Variants in CRIM1 observed in about 807,000 individuals in gnomAD.
CRIM1 encodes the protein cysteine-rich motor neuron 1 protein.
Under a neutral mutation model 116.4 loss-of-function variants are expected in CRIM1, and 32 were observed. The observed-to-expected ratio is 0.27, with a 90% CI of 0.21 to 0.37. The LOEUF (loss-of-function observed/expected upper bound fraction) is 0.37. Ranked by LOEUF, CRIM1 falls within the 10% of genes least tolerant of loss-of-function variation. The pLI, the probability that CRIM1 is intolerant of heterozygous loss-of-function variation, is 1.00. For missense variants in CRIM1, 1,331 were observed against 1,354.8 expected (o/e 0.98, Z 0.28); for synonymous variants, 590 against 509.2 (o/e 1.16, Z -2.13).
At chr2:36,442,819 C>A in intron 4 of CRIM1, 84 bp downstream of exon 4, 1 of 1,479,122 alleles carries the variant, frequency 6.8e-7, no homozygotes, top group Non-Finnish European at 9.4e-7. Context: ...GTTTGTTTTC[C>A]CATGAGAAAC....
chr2:36,504,635 G>A (rs1681262137), intron 8 of CRIM1, among the ~76,000 whole-genome samples: 1 of 152,142 alleles, frequency 6.6e-6, no homozygotes, highest in Admixed American at 6.5e-5. Flanking sequence ...AATAAAAAAT[G>A]TTTTTAAAAG....
At position 36,512,512 on chromosome 2, in the gene CRIM1, G is replaced by A. The variant is rs112559315; in HGVS notation, c.1780+118G>A. 1.5e-5 allele frequency: 17 copies of A among 1,123,016 alleles called. 1 individual carries two copies. Among genetic ancestry groups the A allele is most frequent in the African/African-American group, 3.1e-5 (2 of 64,518 alleles). The allele number at this position is 1,123,016 out of a possible 1,614,324, so 69.6% of individuals were successfully genotyped here. A position where few individuals can be genotyped will look rare whatever the true frequency, so the allele number is the denominator to read the frequency against. On this transcript the variant is annotated intron_variant, in intron 10 of 16. Transcript: ENST00000280527. ...GGTTGCTGCCTATTCTAACACAAATGTCAGTCTCTGTGGGACCGTCCCACA... is the reference window on the plus strand; with the variant it reads ...GGTTGCTGCCTATTCTAACACAAATATCAGTCTCTGTGGGACCGTCCCACA...
intron 13 of CRIM1, chr2:36,529,539 T>C (rs983078059): frequency 5.0e-6 from 1 of 198,654 alleles, no homozygotes; most frequent in Admixed American, 5.3e-5. Context: ...TACCTGTAGA[T>C]GCATCTTGGA....
chr2:36,384,934 A>C (rs1224553868), intron 1 of CRIM1, among the ~76,000 whole-genome samples: 1 of 152,244 alleles, frequency 6.6e-6, no homozygotes, highest in Non-Finnish European at 1.5e-5. Context: ...ACTTCCACTT[A>C]AGATGAAACT....
intron 4 of CRIM1, among the ~76,000 whole-genome samples, chr2:36,453,365 T>G (rs528092920): frequency 1.3e-5 from 2 of 152,240 alleles, no homozygotes; most frequent in African/African-American, 4.8e-5. Flanking sequence ...ATGGCTCTTA[T>G]GATAATATGA....
intron 3 of CRIM1, 33 bp downstream of exon 3, chr2:36,441,533 C>T (rs985575781): frequency 6.3e-7 from 1 of 1,597,540 alleles, no homozygotes; most frequent in African/African-American, 1.4e-5. Context: ...CAGCCTTGTT[C>T]CTTTGCATCA....
intron 1 of CRIM1, chr2:36,369,303 C>G (rs1669795579): frequency 6.6e-6 from 1 of 152,242 alleles, no homozygotes; most frequent in Non-Finnish European, 1.5e-5. Context: ...TGGCCCTCCT[C>G]CTCTGGTGAA....
At chr2:36,432,175 A>G (rs1178131051) in intron 2 of CRIM1, among the ~76,000 whole-genome samples, 1 of 152,172 alleles carries the variant, frequency 6.6e-6, no homozygotes, top group East Asian at 1.9e-4. Flanking sequence ...TTTGTGGGTC[A>G]GTGTTTATGG....
At chr2:36,468,725 T>A (rs1170495518) in intron 5 of CRIM1, among the ~76,000 whole-genome samples, 1 of 152,206 alleles carries the variant, frequency 6.6e-6, no homozygotes, top group Non-Finnish European at 1.5e-5. Context: ...TACTGTTAGA[T>A]GGGTGGATGC....
intron 5 of CRIM1, among the ~76,000 whole-genome samples, chr2:36,475,652 G>C (rs1678916655): frequency 6.6e-6 from 1 of 152,136 alleles, no homozygotes; most frequent in African/African-American, 2.4e-5. Context: ...TCATTGTCTT[G>C]TTCCTGATCT....
At chr2:36,510,918 C>CTT (rs1664627390) in intron 9 of CRIM1, among the ~76,000 whole-genome samples, 1 of 138,278 alleles carries the variant, frequency 7.2e-6, no homozygotes, top group African/African-American at 2.8e-5. Context: ...TGCTAGATTC[C>CTT]TTTTCTTTTT....
At chr2:36,443,554 G>C (rs1430863582) in intron 4 of CRIM1, among the ~76,000 whole-genome samples, 3 of 152,056 alleles carry the variant, frequency 2.0e-5, no homozygotes, top group South Asian at 2.1e-4. Flanking sequence ...TTCAGCTTTC[G>C]TTCTGCGTTT....
intron 7 of CRIM1, among the ~76,000 whole-genome samples, chr2:36,483,304 CAA>C (rs1421652221): frequency 6.6e-6 from 1 of 152,032 alleles, no homozygotes; most frequent in Non-Finnish European, 1.5e-5. Context: ...AAACTAAAAA[CAA>C]AAAAGAGATT....
intron 2 of CRIM1, among the ~76,000 whole-genome samples, chr2:36,438,551 G>GT (rs1380411763): frequency 1.3e-5 from 2 of 152,112 alleles, no homozygotes; most frequent in African/African-American, 4.8e-5. Flanking sequence ...GCAGTTCCTT[G>GT]GGGGGTTATA....
At chr2:36,428,485 A>G (rs1674627716) in intron 2 of CRIM1, among the ~76,000 whole-genome samples, 1 of 152,250 alleles carries the variant, frequency 6.6e-6, no homozygotes, top group South Asian at 2.1e-4. Flanking sequence ...TCTGAGCTAT[A>G]GAATACTGTA....
At chr2:36,422,195 T>TG in intron 2 of CRIM1, among the ~76,000 whole-genome samples, 1 of 151,912 alleles carries the variant, frequency 6.6e-6, no homozygotes, top group East Asian at 1.9e-4. Flanking sequence ...TTTTGTTTCT[T>TG]GGGGGATTTG....
Position 36,468,080 on chromosome 2 carries a change from A to G in CRIM1, c.991+3425A>G, listed in dbSNP as rs533313093. Among the ~76,000 whole-genome samples the G allele has an allele frequency of 3.0e-4, 46 of 152,294 alleles. 2 individuals are homozygous for G. The highest frequency in any genetic ancestry group is 4.9e-4 in the Non-Finnish European group (33 of 68,018). On this transcript the variant is annotated intron_variant, in intron 5 of 16. Coordinates refer to ENST00000280527, the MANE Select transcript of CRIM1 (RefSeq NM_016441.3). ...TAGGTGCTTGGAACATTGTTTCTCA[A>G]TTTTGCAAACTGCCCAACCATGGTG...
chr2:36,436,215 A>G (rs942481997), intron 2 of CRIM1, among the ~76,000 whole-genome samples: 1 of 152,182 alleles, frequency 6.6e-6, no homozygotes, highest in Non-Finnish European at 1.5e-5. Context: ...AAGGTTTCAG[A>G]AAAACAATTC....
intron 1 of CRIM1, among the ~76,000 whole-genome samples, chr2:36,372,869 C>T (rs993596584): frequency 2.6e-5 from 4 of 152,098 alleles, no homozygotes; most frequent in African/African-American, 9.7e-5. Flanking sequence ...AAAGTTATAG[C>T]TGTAGAGCTC....
Sources: gnomAD v4.1 joint callset for allele counts (sites outside exome capture counted in the v4.1 genomes callset) on GRCh38, gnomAD v4.1.1 for gene constraint, MANE v1.5 for transcripts, NCBI Gene and HGNC (gene_info 2026-07-23, HGNC 2026-07-21) for gene names.